RALB: variants seen among roughly 807,000 people sequenced by gnomAD.
RALB encodes the protein ras-related protein Ral-B.
Under a neutral mutation model 21.3 loss-of-function variants are expected in RALB, and 16 were observed. The ratio of observed to expected loss-of-function variants is 0.75; its 90% CI spans 0.51 to 1.14. The LOEUF (loss-of-function observed/expected upper bound fraction) is 1.14, where lower values mean the gene tolerates loss of function less well. Ranked by LOEUF, RALB falls within the 50% of genes most tolerant of loss-of-function variation. The pLI, the probability that RALB is intolerant of heterozygous loss-of-function variation, is 0.00. For synonymous variants in RALB, 93 were observed against 96.1 expected (o/e 0.97, Z 0.19); for missense variants, 161 against 256.2 (o/e 0.63, Z 2.54).
chr2:120,289,382 A>C (rs943463517), intron 3 of RALB, among the ~76,000 whole-genome samples, 198 bp from the exon 4 acceptor site: 1 of 152,168 alleles, frequency 6.6e-6, no homozygotes, highest in African/African-American at 2.4e-5. Flanking sequence ...GATGTGGGCA[A>C]ACTGAGAAGC....
At chr2:120,286,162 G>T (rs1690129121) in intron 3 of RALB, 80 bp downstream of exon 3, 1 of 1,225,704 alleles carries the variant, frequency 8.2e-7, no homozygotes, top group African/African-American at 1.5e-5. Context: ...TGAAGAATTT[G>T]GGGCTGAGCA....
chr2:120,272,417 A>G (rs1454560949), intron 1 of RALB, among the ~76,000 whole-genome samples: 2 of 152,330 alleles, frequency 1.3e-5, no homozygotes, highest in African/African-American at 4.8e-5. Context: ...TTACACTGAA[A>G]TATATCGGAA....
At chr2:120,257,409 C>T (rs1442706740) in intron 1 of RALB, among the ~76,000 whole-genome samples, 6 of 152,194 alleles carry the variant, frequency 3.9e-5, no homozygotes, top group Admixed American at 3.9e-4. Context: ...TGAAATCTTC[C>T]TGAAGTGCCT....
At chr2:120,280,182 A>G (rs1170275919) in intron 2 of RALB, among the ~76,000 whole-genome samples, 1 of 152,212 alleles carries the variant, frequency 6.6e-6, no homozygotes, top group African/African-American at 2.4e-5. Context: ...GTGAAGCTCA[A>G]TAGAGGTTTC....
chr2:120,283,149 G>C (rs1690037508), intron 2 of RALB, among the ~76,000 whole-genome samples: 1 of 152,178 alleles, frequency 6.6e-6, no homozygotes, highest in African/African-American at 2.4e-5. Flanking sequence ...CATCTAGTCA[G>C]GAAATTGAGC....
intron 1 of RALB, among the ~76,000 whole-genome samples, chr2:120,264,009 C>T (rs576413719): frequency 1.5e-4 from 23 of 150,660 alleles, no homozygotes; most frequent in African/African-American, 4.4e-4. Context: ...CCACCACGCC[C>T]GGCTAATTTT....
At position 120,278,737 on chromosome 2, in the gene RALB, G is replaced by A; in HGVS notation, c.73G>A (p.Val25Ile). 2 of 1,593,238 alleles carry A rather than the reference G, an allele frequency of 1.3e-6. No individual in the cohort carries two copies. Among genetic ancestry groups the A allele is most frequent in the Admixed American group, 1.7e-5 (1 of 57,268 alleles). Residue 25 changes from valine to isoleucine, a missense_variant, in exon 2 of 5, where the codon GTT becomes ATT. By Grantham distance (29) the Val-to-Ile change is conservative. Transcript: ENST00000272519. ...HKVIMVGSGG[V>I]GKSALTLQFM... Reference sequence around the variant, plus strand: ...GGTGATCATGGTTGGCAGCGGAGGCGTTGGCAAGTCAGCCCTGACGCTTCA... The same window carrying A: ...GGTGATCATGGTTGGCAGCGGAGGCATTGGCAAGTCAGCCCTGACGCTTCA...
intron 4 of RALB, 45 bp from the exon 5 acceptor site, chr2:120,293,096 G>A: frequency 2.6e-6 from 4 of 1,529,622 alleles, no homozygotes; most frequent in Non-Finnish European, 3.5e-6. Flanking sequence ...TCATTAAATG[G>A]CTCTTTCTTC....
chr2:120,259,676 C>T (rs1689301885), intron 1 of RALB, among the ~76,000 whole-genome samples: 1 of 152,274 alleles, frequency 6.6e-6, no homozygotes, highest in Non-Finnish European at 1.5e-5. Flanking sequence ...CTCAGGAGCC[C>T]AGCTGGCTTC....
At chr2:120,271,233 A>G (rs922936213) in intron 1 of RALB, among the ~76,000 whole-genome samples, 1 of 152,042 alleles carries the variant, frequency 6.6e-6, no homozygotes, top group Non-Finnish European at 1.5e-5. Context: ...GTATGGTTTT[A>G]TGTACTATGA....
intron 1 of RALB, among the ~76,000 whole-genome samples, chr2:120,274,602 A>G (rs913110614): frequency 4.6e-5 from 7 of 152,194 alleles, no homozygotes; most frequent in Admixed American, 4.6e-4. Flanking sequence ...AACAGGTTTT[A>G]AATATAGGAA....
At chr2:120,256,524 G>A (rs992841091) in intron 1 of RALB, among the ~76,000 whole-genome samples, 8 of 152,094 alleles carry the variant, frequency 5.3e-5, no homozygotes, top group South Asian at 2.1e-4. Context: ...GAGTTCTCAC[G>A]TGATCTGATG....
intron 1 of RALB, among the ~76,000 whole-genome samples, chr2:120,247,286 A>G (rs1479163329): frequency 6.6e-6 from 1 of 152,232 alleles, no homozygotes; most frequent in East Asian, 1.9e-4. Context: ...GACAGCAGAA[A>G]GATAAGTCCA....
chr2:120,268,811 G>A (rs553395613), intron 1 of RALB, among the ~76,000 whole-genome samples: 3 of 152,254 alleles, frequency 2.0e-5, no homozygotes, highest in East Asian at 1.9e-4. Flanking sequence ...CAGAGCAGGA[G>A]TGAAAGTTTA....
intron 1 of RALB, among the ~76,000 whole-genome samples, chr2:120,254,946 G>A (rs1052746236): frequency 6.6e-6 from 1 of 152,180 alleles, no homozygotes; most frequent in African/African-American, 2.4e-5. Context: ...AAAGTGCTGG[G>A]GATCACAGGT....
At chr2:120,245,087 G>A (rs1427332788) in intron 1 of RALB, among the ~76,000 whole-genome samples, 1 of 152,228 alleles carries the variant, frequency 6.6e-6, no homozygotes, top group Non-Finnish European at 1.5e-5. Context: ...GGCTGCTGGT[G>A]CCTGGCACAG....
chr2:120,279,767 C>T (rs1689939510), intron 2 of RALB, among the ~76,000 whole-genome samples: 1 of 152,148 alleles, frequency 6.6e-6, no homozygotes, highest in South Asian at 2.1e-4. Flanking sequence ...GGCCACATGG[C>T]TTTATGAGAT....
intron 1 of RALB, among the ~76,000 whole-genome samples, chr2:120,262,799 C>T (rs1689400248): frequency 6.6e-6 from 1 of 152,148 alleles, no homozygotes; most frequent in South Asian, 2.1e-4. Flanking sequence ...AGGCAAATTA[C>T]GCTGTGTTTT....
intron 1 of RALB, among the ~76,000 whole-genome samples, chr2:120,277,679 TTA>T (rs1232805147): frequency 1.3e-5 from 1 of 75,928 alleles, no homozygotes; most frequent in East Asian, 2.3e-4. Flanking sequence ...TGTGAACGTG[TTA>T]TGAGTGAAAG....
Sources: gnomAD v4.1 joint callset for allele counts (sites outside exome capture counted in the v4.1 genomes callset) on GRCh38, gnomAD v4.1.1 for gene constraint, MANE v1.5 for transcripts, NCBI Gene and HGNC (gene_info 2026-07-23, HGNC 2026-07-21) for gene names.